The following LTBP1 variants were observed in gnomAD, a reference collection of about 807,000 sequenced individuals.
LTBP1 encodes latent transforming growth factor beta binding protein 1.
A neutral mutation model predicts 207.6 loss-of-function variants in LTBP1; 129 were observed. That is an observed-to-expected ratio of 0.62 (90% CI 0.54 to 0.72). LTBP1 has a LOEUF of 0.72. Among genes scored for constraint, LTBP1 ranks in the 30% least tolerant of loss-of-function variants. The probability of loss-of-function intolerance (pLI) is 0.00; values close to 1 mark genes in which losing one functional copy is unlikely to be tolerated. For synonymous variants in LTBP1, 963 were observed against 833.7 expected, an observed-to-expected ratio of 1.16 and a Z score of -2.67; for missense variants, 2,281 against 2,217.2, an observed-to-expected ratio of 1.03 and a Z score of -0.58.
intron 3 of LTBP1, among the ~76,000 whole-genome samples, chr2:33,084,237 G>T (rs1384195017): frequency 1.3e-5 from 2 of 152,152 alleles, no homozygotes; most frequent in African/African-American, 4.8e-5. Context: ...AGATTTTTTT[G>T]TGTGTGCCCA....
At chr2:33,361,920 GTCA>G (rs1396711443) in intron 28 of LTBP1, among the ~76,000 whole-genome samples, 1 of 151,944 alleles carries the variant, frequency 6.6e-6, no homozygotes, top group African/African-American at 2.4e-5. Context: ...TGTCTTTATG[GTCA>G]TCAACAAAGC....
chr2:32,952,906 A>G (rs1466970455), intron 2 of LTBP1, among the ~76,000 whole-genome samples: 2 of 152,216 alleles, frequency 1.3e-5, no homozygotes, highest in Non-Finnish European at 2.9e-5. Flanking sequence ...GGCACATTGC[A>G]GGCCTTCCAT....
At chr2:33,139,397 C>T (rs2082454174) in intron 5 of LTBP1, among the ~76,000 whole-genome samples, 1 of 152,096 alleles carries the variant, frequency 6.6e-6, no homozygotes, top group South Asian at 2.1e-4. Context: ...ATAAGCAAAT[C>T]ATAAAGCTGC....
chr2:33,382,056 G>C (rs2095220527), intron 31 of LTBP1, among the ~76,000 whole-genome samples: 1 of 127,516 alleles, frequency 7.8e-6, no homozygotes, highest in South Asian at 2.8e-4. Context: ...ATCTACAGCA[G>C]TTAGCGCCCT....
At chr2:33,390,210 A>G (rs924146199) in intron 32 of LTBP1, among the ~76,000 whole-genome samples, 1 of 152,190 alleles carries the variant, frequency 6.6e-6, no homozygotes, top group Non-Finnish European at 1.5e-5. Flanking sequence ...CTTTTCCTGG[A>G]TTAGTGAGCA....
chr2:33,118,814 T>A (rs1055856042), intron 4 of LTBP1, among the ~76,000 whole-genome samples: 3 of 152,198 alleles, frequency 2.0e-5, no homozygotes, highest in Admixed American at 2.0e-4. Flanking sequence ...TGAGAGCTAT[T>A]TGATAACATT....
In LTBP1 at chr2:33,182,687, G is replaced by GAGATATATATATATAT. The variant is rs1469125010; in HGVS notation, c.1202-4168_1202-4167insGATATATATATATATA. On this transcript the variant is annotated intron_variant, in intron 5 of 33. Transcript: ENST00000404816. ...AAAAAAAAAAAGAAGAAAAGATGGT[G>GAGATATATATATATAT]ATATATATATATACACACACACACA... is the stretch of plus-strand genomic sequence containing the variant. Among the ~76,000 whole-genome samples, 186 of 66,980 alleles carry GAGATATATATATATAT rather than the reference G, an allele frequency of 2.8e-3. 23 individuals carry two copies. Among genetic ancestry groups the GAGATATATATATATAT allele is most frequent in the African/African-American group, 7.1e-3 (119 of 16,808 alleles). The allele number at this position is 66,980 out of a possible 152,430, so 43.9% of individuals were successfully genotyped here.
intron 3 of LTBP1, among the ~76,000 whole-genome samples, chr2:33,025,302 T>C (rs573805660): frequency 1.4e-4 from 21 of 152,314 alleles, no homozygotes; most frequent in Admixed American, 3.3e-4. Flanking sequence ...AAAATAACCA[T>C]ATTTAGGATA....
chr2:33,009,943 C>G (rs957571805), intron 2 of LTBP1, among the ~76,000 whole-genome samples: 1 of 152,112 alleles, frequency 6.6e-6, no homozygotes, highest in Admixed American at 6.6e-5. Flanking sequence ...CATCTAAGTT[C>G]GGGCACTGAA....
intron 4 of LTBP1, among the ~76,000 whole-genome samples, chr2:33,125,040 C>T (rs1273248086): frequency 6.6e-6 from 1 of 152,196 alleles, no homozygotes; most frequent in Non-Finnish European, 1.5e-5. Context: ...TAAGATATCT[C>T]GCATACTGCA....
At chr2:33,319,040 C>T (rs574409725) in intron 24 of LTBP1, among the ~76,000 whole-genome samples, 1 of 152,266 alleles carries the variant, frequency 6.6e-6, no homozygotes, top group South Asian at 2.1e-4. Flanking sequence ...TTCAAGGCTG[C>T]AGTGAGCTAT....
chr2:33,077,571 C>G (rs2078149683), intron 3 of LTBP1, among the ~76,000 whole-genome samples: 1 of 152,124 alleles, frequency 6.6e-6, no homozygotes. Context: ...CTTGTGAAAA[C>G]TCTGTCACAA....
chr2:33,284,797 C>T (rs1345894519), intron 19 of LTBP1, among the ~76,000 whole-genome samples: 1 of 152,202 alleles, frequency 6.6e-6, no homozygotes. Flanking sequence ...CATGACCTCT[C>T]TGAAGCTTAG....
intron 3 of LTBP1, among the ~76,000 whole-genome samples, chr2:33,064,128 C>T (rs895453259): frequency 2.0e-5 from 3 of 152,340 alleles, no homozygotes; most frequent in African/African-American, 4.8e-5. Context: ...GCTAGGATTA[C>T]AGGCGTGAGC....
At chr2:33,071,436 G>T (rs1278677648) in intron 3 of LTBP1, among the ~76,000 whole-genome samples, 1 of 152,204 alleles carries the variant, frequency 6.6e-6, no homozygotes, top group African/African-American at 2.4e-5. Flanking sequence ...TACTCTAGGG[G>T]AGAGGATTCT....
intron 32 of LTBP1, among the ~76,000 whole-genome samples, chr2:33,394,052 G>A (rs1446020901): frequency 1.3e-5 from 2 of 152,026 alleles, no homozygotes; most frequent in African/African-American, 2.4e-5. Flanking sequence ...GTGATGATGA[G>A]CATTTTTTCA....
chr2:33,020,969 G>A lies in LTBP1; in HGVS notation c.626G>A (p.Cys209Tyr). Reference protein sequence around the residue: ...GMCLRPQLCVCKPGTKGKACE... With the variant: ...GMCLRPQLCVYKPGTKGKACE... ...TGTCTCCGGCCACAACTCTGTGTGT[G>A]TAAACCAGGGACCAAGGGCAAAGCC... Residue 209 changes from cysteine (C) to tyrosine (Y), a missense_variant, in exon 3 of 34, where the codon TGT becomes TAT. Around this residue, in one of 3 missense-constraint regions of LTBP1, gnomAD observed 555 missense variants for 491.0 expected, o/e 1.13. Coordinates refer to ENST00000404816, the MANE Select transcript of LTBP1 (RefSeq NM_206943.4). 6.2e-7 allele frequency: 1 copy of A among 1,611,834 alleles called. No individual in the cohort carries two copies. The highest frequency in any genetic ancestry group is 1.1e-5 in the South Asian group (1 of 90,704).
intron 5 of LTBP1, among the ~76,000 whole-genome samples, chr2:33,170,296 C>T (rs1290298080): frequency 5.3e-5 from 8 of 152,206 alleles, no homozygotes; most frequent in Admixed American, 5.2e-4. Context: ...GGGTCACTCC[C>T]ACCCTAATAC....
At chr2:33,235,392 A>G (rs1457644747) in intron 9 of LTBP1, among the ~76,000 whole-genome samples, 1 of 152,214 alleles carries the variant, frequency 6.6e-6, no homozygotes, top group African/African-American at 2.4e-5. Flanking sequence ...TTAAAAAGTC[A>G]GGAAACAACA....
Sources: gnomAD v4.1 joint callset for allele counts (sites outside exome capture counted in the v4.1 genomes callset) on GRCh38, gnomAD v4.1.1 for gene constraint, gnomAD v4.1.1 regional missense constraint, MANE v1.5 for transcripts, NCBI Gene and HGNC (gene_info 2026-07-23, HGNC 2026-07-21) for gene names.